The following R3HCC1L variants were observed in gnomAD, a reference collection of about 807,000 sequenced individuals.
R3HCC1L encodes R3H domain and coiled-coil containing 1 like, also known as coiled-coil domain-containing protein R3HCC1L.
A neutral mutation model predicts 59.9 loss-of-function variants in R3HCC1L; 51 were observed. That is an observed-to-expected ratio of 0.85 (90% CI 0.68 to 1.07). The LOEUF (loss-of-function observed/expected upper bound fraction) is 1.07, where lower values mean the gene tolerates loss of function less well. Among genes scored for constraint, R3HCC1L ranks in the 50% least tolerant of loss-of-function variants. The pLI, the probability that R3HCC1L is intolerant of heterozygous loss-of-function variation, is 0.00. For synonymous variants in R3HCC1L, 322 were observed against 315.2 expected, an observed-to-expected ratio of 1.02 and a Z score of -0.23; for missense variants, 965 against 933.0, an observed-to-expected ratio of 1.03 and a Z score of -0.45.
chr10:98,239,254 C>A (rs1857275293), intron 9 of R3HCC1L, among the ~76,000 whole-genome samples: 1 of 152,058 alleles, frequency 6.6e-6, no homozygotes, highest in South Asian at 2.1e-4. Context: ...CTTGTAATGA[C>A]AAATACGTAT....
At chr10:98,202,370 T>C (rs1218070572) in intron 4 of R3HCC1L, among the ~76,000 whole-genome samples, 1 of 151,854 alleles carries the variant, frequency 6.6e-6, no homozygotes, top group Non-Finnish European at 1.5e-5. Flanking sequence ...AGTAGAAAAA[T>C]TGGACAATAC....
intron 2 of R3HCC1L, among the ~76,000 whole-genome samples, chr10:98,157,560 G>A (rs911672218): frequency 2.6e-5 from 4 of 152,186 alleles, no homozygotes; most frequent in African/African-American, 7.2e-5. Flanking sequence ...TGACTCTCAT[G>A]AGGATTTCTG....
intron 4 of R3HCC1L, among the ~76,000 whole-genome samples, chr10:98,179,305 C>T (rs1849381414): frequency 6.6e-6 from 1 of 152,148 alleles, no homozygotes; most frequent in Admixed American, 6.5e-5. Context: ...GCCTTTTCTG[C>T]ATCTATTGAG....
At chr10:98,149,659 T>C (rs543523944) in intron 1 of R3HCC1L, among the ~76,000 whole-genome samples, 135 of 152,350 alleles carry the variant, frequency 8.9e-4, no homozygotes, top group African/African-American at 3.1e-3. Context: ...CTTCTTGTTA[T>C]TGATTTTTAA....
At chr10:98,169,622 T>G (rs907484307) in intron 4 of R3HCC1L, among the ~76,000 whole-genome samples, 1 of 152,314 alleles carries the variant, frequency 6.6e-6, no homozygotes, top group South Asian at 2.1e-4. Context: ...TCGCGGCAGA[T>G]TTTGAAAAAT....
intron 4 of R3HCC1L, among the ~76,000 whole-genome samples, chr10:98,198,549 GA>G (rs35603748): frequency 0.012 from 1,695 of 147,228 alleles, 24 homozygotes; most frequent in African/African-American, 0.033. Context: ...TCGTTTTCAG[GA>G]AAAAAAAAAA....
chr10:98,152,931 G>T (rs1380734367), intron 1 of R3HCC1L, among the ~76,000 whole-genome samples: 3 of 148,356 alleles, frequency 2.0e-5, no homozygotes, highest in Non-Finnish European at 4.4e-5. Flanking sequence ...CAGTCGCCCT[G>T]TCCGGGAGAG....
At position 98,144,718 on chromosome 10, in the gene R3HCC1L, C is replaced by T. The variant is rs542831674; in HGVS notation, c.-268+10012C>T. On this transcript the variant is annotated intron_variant, in intron 1 of 9. Transcript: ENST00000298999. ...CCCTCTGCTTAGAACATTATTCATA[C>T]GCAAAAGAAGTCCTAGTCTGGTCTA... 5.3e-4 allele frequency among the ~76,000 whole-genome samples: 80 copies of T among 152,182 alleles called. 1 individual carries two copies. Among genetic ancestry groups the T allele is most frequent in the Non-Finnish European group, 1.9e-4 (13 of 68,038 alleles).
chr10:98,229,174 G>A (rs1856050608), intron 5 of R3HCC1L, among the ~76,000 whole-genome samples: 1 of 152,040 alleles, frequency 6.6e-6, no homozygotes, highest in Non-Finnish European at 1.5e-5. Context: ...ATTACCTTGG[G>A]CAGTATGGCC....
chr10:98,169,550 T>G (rs1312599410), intron 4 of R3HCC1L, among the ~76,000 whole-genome samples: 1 of 152,202 alleles, frequency 6.6e-6, no homozygotes, highest in Non-Finnish European at 1.5e-5. Context: ...CTACCACTAC[T>G]TCACTTTTGC....
intron 4 of R3HCC1L, among the ~76,000 whole-genome samples, chr10:98,178,719 T>C (rs528753828): frequency 2.0e-5 from 3 of 152,348 alleles, no homozygotes; most frequent in Admixed American, 2.0e-4. Flanking sequence ...CTTCCATTTG[T>C]TTGTGTCCTT....
chr10:98,153,319 C>G (rs919602299), intron 1 of R3HCC1L, among the ~76,000 whole-genome samples: 32 of 152,290 alleles, frequency 2.1e-4, no homozygotes, highest in Non-Finnish European at 4.1e-4. Flanking sequence ...ACCCCCAACC[C>G]TGTGCTCTCT....
At position 98,231,661 on chromosome 10, in the gene R3HCC1L, CCTT is replaced by C. The variant is rs781527749; in HGVS notation, c.1938_1940del (p.Leu647del). On this transcript the variant is annotated inframe_deletion, in exon 6 of 10. Transcript: ENST00000298999. ...TTCCCCAAGAATTTCATACTGAAGACCTTCTACGGGTTTTCTGCAGTTATCAGT... is the reference window on the plus strand; with the variant it reads ...TTCCCCAAGAATTTCATACTGAAGACCTACGGGTTTTCTGCAGTTATCAGT... 3.7e-6 allele frequency: 6 copies of C among 1,611,306 alleles called. No individual in the cohort carries two copies. Among genetic ancestry groups the C allele is most frequent in the African/African-American group, 2.7e-5 (2 of 74,812 alleles).
chr10:98,186,607 A>G, intron 4 of R3HCC1L: 1 of 694,676 alleles, frequency 1.4e-6, no homozygotes, highest in South Asian at 6.4e-5. Context: ...TTTTATACAC[A>G]ACATTGCTGT....
At chr10:98,229,564 C>T (rs1856107095) in intron 5 of R3HCC1L, among the ~76,000 whole-genome samples, 1 of 152,184 alleles carries the variant, frequency 6.6e-6, no homozygotes, top group Non-Finnish European at 1.5e-5. Context: ...TAATTGATTA[C>T]CCTTTATTTC....
chr10:98,198,811 T>G lies in R3HCC1L; in HGVS notation c.-14-9290T>G, dbSNP rs773863381. On this transcript the variant is annotated intron_variant, in intron 4 of 9. Transcript: ENST00000298999. Reference sequence around the variant, plus strand: ...ACAAAACAGAAGGAGAAAAGCAGATTATATTTGTCCTGTGGCATTAGGGAT... The same window carrying G: ...ACAAAACAGAAGGAGAAAAGCAGATGATATTTGTCCTGTGGCATTAGGGAT... Among the ~76,000 whole-genome samples, 119 of 152,236 alleles carry G rather than the reference T, an allele frequency of 7.8e-4. 1 individual carries two copies. Among genetic ancestry groups the G allele is most frequent in the Non-Finnish European group, 2.6e-4 (18 of 67,960 alleles).
At chr10:98,171,541 A>G (rs1171999591) in intron 4 of R3HCC1L, among the ~76,000 whole-genome samples, 1 of 152,186 alleles carries the variant, frequency 6.6e-6, no homozygotes, top group Admixed American at 6.5e-5. Flanking sequence ...AACAAATACA[A>G]ACTAATTCTC....
At chr10:98,192,263 A>G (rs1850942476) in intron 4 of R3HCC1L, among the ~76,000 whole-genome samples, 1 of 152,150 alleles carries the variant, frequency 6.6e-6, no homozygotes, top group Admixed American at 6.5e-5. Context: ...AAGTCTTATA[A>G]AGCTTTAAAA....
chr10:98,177,234 A>T lies in R3HCC1L; in HGVS notation c.-15+13837A>T, dbSNP rs749551444. Among the ~76,000 whole-genome samples the T allele has an allele frequency of 5.7e-4, 87 of 151,758 alleles. 1 individual carries two copies. The highest frequency in any genetic ancestry group is 7.4e-4 in the Non-Finnish European group (50 of 67,950). ...TGTGATGTTCCCCTTCCTGTGTCCA[A>T]GTGTTTTCATTGTTCAATTCCCACC... On this transcript the variant is annotated intron_variant, in intron 4 of 9. Coordinates refer to ENST00000298999, the MANE Select transcript of R3HCC1L (RefSeq NM_001351015.2).
Sources: allele counts gnomAD v4.1 joint callset (sites outside exome capture counted in the v4.1 genomes callset), GRCh38; gene constraint gnomAD v4.1.1; transcripts MANE v1.5; gene names NCBI Gene and HGNC (gene_info 2026-07-23, HGNC 2026-07-21).